The following TCIRG1 variants were observed in gnomAD, a reference collection of about 807,000 sequenced individuals.
TCIRG1 encodes the protein V-type proton ATPase 116 kDa subunit a 3.
In TCIRG1, 86 loss-of-function variants were observed where a neutral mutation model predicts 95.5. That is an observed-to-expected ratio of 0.90 (90% confidence interval 0.76 to 1.08). The LOEUF is 1.08. Among genes scored for constraint, TCIRG1 ranks in the 50% least tolerant of loss-of-function variants. TCIRG1 has a pLI of 0.00. For missense variants in TCIRG1, 1,069 were observed against 1,140.2 expected, an observed-to-expected ratio of 0.94 and a Z score of 0.90; for synonymous variants, 499 against 501.3, an observed-to-expected ratio of 1.00 and a Z score of 0.06.
At position 68,048,756 on chromosome 11, in the gene TCIRG1, T is replaced by C. The variant is rs1394207016; in HGVS notation, c.1555-123T>C. 6.1e-5 allele frequency: 50 copies of C among 823,094 alleles called. No individual in the cohort carries two copies. The East Asian group carries it at 1.2e-3, about 20-fold the overall frequency. The allele number at this position is 823,094 out of a possible 1,614,324, so 51.0% of individuals were successfully genotyped here. A position where few individuals can be genotyped will look rare whatever the true frequency, so the allele number is the denominator to read the frequency against. On this transcript the variant is annotated intron_variant, in intron 13 of 19. Transcript: ENST00000265686. Reference sequence around the variant, plus strand: ...CTGTTGCCCCTCGGTGGGTGGGTGATGGATGAGGCTGCAGGCTCCGAGGGG... The same window carrying C: ...CTGTTGCCCCTCGGTGGGTGGGTGACGGATGAGGCTGCAGGCTCCGAGGGG...
chr11:68,042,740 G>C lies in TCIRG1; in HGVS notation c.294G>C (p.Gln98His). 6.5e-7 allele frequency: 1 copy of C among 1,547,238 alleles called. No homozygotes were observed. Among genetic ancestry groups the C allele is most frequent in the Non-Finnish European group, 8.7e-7 (1 of 1,146,332 alleles). The change falls in exon 4 of 20, where the codon CAG (glutamine) becomes CAC (histidine). Residue 98 changes from glutamine (Q) to histidine (H), a missense_variant. Transcript: ENST00000265686. ...CACCCCGGGACCTGCTGCGCATCCA[G>C]GAGGAGACGGAGCGCCTGGCCCAGG... ...APPPRDLLRI[Q>H]EETERLAQEL...
chr11:68,049,294 G>C lies in TCIRG1; in HGVS notation c.1887G>C (p.Gln629His). Residue 629 changes from glutamine (Q) to histidine (H), a missense_variant and splice_region_variant, in exon 15 of 20, where the codon CAG becomes CAC. Coordinates refer to ENST00000265686, the MANE Select transcript of TCIRG1 (RefSeq NM_006019.4). The part of the protein sequence containing the change: ...SPSNRLLYPR[Q>H]EVVQATLVVL... Reference sequence around the variant, plus strand: ...GCAACAGGCTGCTCTACCCCCGGCAGGTGGGCTGCGGCTGGTGGGGGCCGG... The same window carrying C: ...GCAACAGGCTGCTCTACCCCCGGCACGTGGGCTGCGGCTGGTGGGGGCCGG... 6.2e-7 allele frequency: 1 copy of C among 1,605,878 alleles called. No individual in the cohort carries two copies. Among genetic ancestry groups the C allele is most frequent in the South Asian group, 1.1e-5 (1 of 90,862 alleles).
At chr11:68,052,006 C>T (rs907847977), downstream of TCIRG1, 2 of 152,614 alleles carry the variant, frequency 1.3e-5, no homozygotes, top group Admixed American at 6.5e-5. Context: ...TAGAGAAGTC[C>T]AGTTTGCCAA....
At position 68,050,551 on chromosome 11, in the gene TCIRG1, C is replaced by T. The variant is rs768701072; in HGVS notation, c.2301C>T (p.Gly767=). ...GCCTGGGCCTGGGCCGGGAGGTGGG[C>T]GTGGCGGCTGTGGTGCTGGTCCCCA... ...RIGLGLGREV[G]VAAVVLVPIF... is the part of the protein sequence containing the mutation. The change falls in exon 19 of 20, where the codon GGC becomes GGT. Residue 767 remains glycine, a synonymous_variant. Coordinates refer to ENST00000265686, the MANE Select transcript of TCIRG1 (RefSeq NM_006019.4). 7 of 1,613,662 alleles carry T rather than the reference C, an allele frequency of 4.3e-6. No individual in the cohort carries two copies. Among genetic ancestry groups the T allele is most frequent in the Non-Finnish European group, 5.9e-6 (7 of 1,180,020 alleles).
In TCIRG1 at chr11:68,047,096, C is replaced by T. The variant is rs545739668; in HGVS notation, c.1166-337C>T. 3.1e-5 allele frequency: 12 copies of T among 388,908 alleles called. 1 individual carries two copies. The highest frequency in any genetic ancestry group is 1.6e-4 in the South Asian group (8 of 49,504). The allele number at this position is 388,908 out of a possible 1,614,324, so 24.1% of individuals were successfully genotyped here. On this transcript the variant is annotated intron_variant, in intron 10 of 19. Coordinates refer to ENST00000265686, the MANE Select transcript of TCIRG1 (RefSeq NM_006019.4). ...CGCGAGCTCGGCTCACTGCAACCTC[C>T]GCCTCCCGGGTTCAAATGATTCTCC...
At chr11:68,048,747 G>A in intron 13 of TCIRG1, 132 bp from the exon 14 acceptor site, 2 of 796,788 alleles carry the variant, frequency 2.5e-6, no homozygotes, top group Non-Finnish European at 4.4e-6. Context: ...CCCCTCGGTG[G>A]GTGGGTGATG....
Position 68,049,219 on chromosome 11 carries a change from C to T in TCIRG1, c.1812C>T (p.Pro604=). ...GGGCTGCCAGGGCCGCCTCGGCCCCCAGCATCCTCATCCACTTCATCAACA... is the reference window on the plus strand; with the variant it reads ...GGGCTGCCAGGGCCGCCTCGGCCCCTAGCATCCTCATCCACTTCATCAACA... ...CVWAARAASA[P]SILIHFINMF... The change falls in exon 15 of 20, where the codon CCC becomes CCT. Residue 604 remains proline, a synonymous_variant. Coordinates refer to ENST00000265686, the MANE Select transcript of TCIRG1 (RefSeq NM_006019.4). 1.2e-6 allele frequency: 2 copies of T among 1,613,894 alleles called. No homozygotes were observed. The highest frequency in any genetic ancestry group is 1.3e-5 in the African/African-American group (1 of 75,072).
At chr11:68,051,718 C>T (rs566383009), downstream of TCIRG1, among the ~76,000 whole-genome samples, 15 of 152,306 alleles carry the variant, frequency 9.8e-5, no homozygotes, top group South Asian at 8.3e-4. Flanking sequence ...CTTAGAGAAA[C>T]GGTGCTCACA....
At chr11:68,043,767 C>A in intron 7 of TCIRG1, 47 bp from the exon 8 acceptor site, 1 of 1,544,792 alleles carries the variant, frequency 6.5e-7, no homozygotes, top group Non-Finnish European at 8.8e-7. Context: ...CTCAGAGTCT[C>A]GTAGCTGTGT....
At chr11:68,050,445 C>T (rs1372129517) in intron 18 of TCIRG1, 42 bp from the exon 19 acceptor site, 5 of 1,611,220 alleles carry the variant, frequency 3.1e-6, no homozygotes, top group African/African-American at 2.7e-5. Flanking sequence ...GGCTGGCAGG[C>T]ACCCACTTGC....
At chr11:68,053,160 C>G (rs879652596), downstream of TCIRG1, 10 of 157,218 alleles carry the variant, frequency 6.4e-5, no homozygotes, top group African/African-American at 1.4e-4. Context: ...ATCCGACACT[C>G]CAGGCAGAGC....
In TCIRG1 at chr11:68,050,272, C is replaced by T. The variant is rs372043757; in HGVS notation, c.2236+18C>T. 99 of 1,609,060 alleles carry T rather than the reference C, an allele frequency of 6.2e-5. 1 individual carries two copies. The African/African-American group carries it at 1.0e-3, about 17-fold the overall frequency. On this transcript the variant is annotated intron_variant, in intron 18 of 19. Coordinates refer to ENST00000265686, the MANE Select transcript of TCIRG1 (RefSeq NM_006019.4). Reference sequence around the variant, plus strand: ...CCACGCCCGTGAGTGACCTGGCCACCGACGGCTGGCCCCAGCTCCTGGCTT... The same window carrying T: ...CCACGCCCGTGAGTGACCTGGCCACTGACGGCTGGCCCCAGCTCCTGGCTT...
intron 9 of TCIRG1, 110 bp from the exon 10 acceptor site, chr11:68,044,848 C>G (rs1855392171): frequency 7.2e-7 from 1 of 1,383,932 alleles, no homozygotes; most frequent in African/African-American, 1.4e-5. Flanking sequence ...GAAGGGGCTG[C>G]CCAGTGAGCC....
Position 68,043,881 on chromosome 11 carries a change from C to A in TCIRG1, c.781C>A (p.Gln261Lys). Reference protein sequence around the residue: ...EARLGALQQLQQQSQELQEVL... With the variant: ...EARLGALQQLKQQSQELQEVL... ...CCGCCTCGGGGCCCTGCAGCAGCTG[C>A]AACAGCAGAGCCAGGAGCTGCAGGA... Residue 261 changes from glutamine to lysine, a missense_variant, in exon 8 of 20, where the codon CAA becomes AAA. Transcript: ENST00000265686. 6.4e-7 allele frequency: 1 copy of A among 1,561,920 alleles called. No individual in the cohort carries two copies.
Position 68,042,970 on chromosome 11 carries a change from GC to G in TCIRG1, c.444del (p.Ser149GlnfsTer17). 1 of 1,555,278 alleles carries G rather than the reference GC, an allele frequency of 6.4e-7. No homozygotes were observed. Among genetic ancestry groups the G allele is most frequent in the Non-Finnish European group, 8.7e-7 (1 of 1,149,524 alleles). Reference sequence around the variant, plus strand: ...GCTGGCAGCCGCCCACACAGATGGGGCCTCAGAGAGGACGCCCCTGCTCCAG... The same window carrying G: ...GCTGGCAGCCGCCCACACAGATGGGGCTCAGAGAGGACGCCCCTGCTCCAG... ...PQLAAAHTDG[A>X]SERTPLLQAP... On this transcript the variant is annotated frameshift_variant, in exon 5 of 20. Coordinates refer to ENST00000265686, the MANE Select transcript of TCIRG1 (RefSeq NM_006019.4). LOFTEE classifies it high-confidence loss of function.
intron 2 of TCIRG1, 104 bp from the exon 3 acceptor site, chr11:68,041,649 G>A: frequency 1.0e-6 from 1 of 970,730 alleles, no homozygotes; most frequent in Non-Finnish European, 1.6e-6. Context: ...ACACCTTTCT[G>A]GAGGAGGCAG....
In TCIRG1 at chr11:68,050,210, C is replaced by G. The variant is rs765318969; in HGVS notation, c.2192C>G (p.Thr731Ser). Residue 731 changes from threonine to serine, a missense_variant, in exon 18 of 20, where the codon ACC becomes AGC. Physicochemically the swap from Thr to Ser is moderately conservative, Grantham distance 58. Transcript: ENST00000265686. ...IEFCLGCVSN[T>S]ASYLRLWALS... is the part of the protein sequence containing the mutation. The stretch of plus-strand genomic sequence containing the variant: ...TTCTGCCTGGGCTGCGTCTCCAACA[C>G]CGCCTCCTACCTGCGCCTGTGGGCC... 12 of 1,613,606 alleles carry G rather than the reference C, an allele frequency of 7.4e-6. No individual in the cohort carries two copies. The East Asian group carries it at 2.2e-4, about 30-fold the overall frequency.
chr11:68,044,810 G>A (rs1274981647), intron 9 of TCIRG1, 148 bp from the exon 10 acceptor site: 3 of 1,007,098 alleles, frequency 3.0e-6, no homozygotes, highest in Non-Finnish European at 4.5e-6. Flanking sequence ...GGCAGAGCAG[G>A]GCTGATCATC....
At chr11:68,040,214 T>C (rs1208311454) in intron 1 of TCIRG1, among the ~76,000 whole-genome samples, 1 of 152,172 alleles carries the variant, frequency 6.6e-6, no homozygotes, top group Non-Finnish European at 1.5e-5. Flanking sequence ...AAAGAGGAAG[T>C]AGAGGCACAG....
Sources: gnomAD v4.1 joint callset for allele counts (sites outside exome capture counted in the v4.1 genomes callset) on GRCh38, gnomAD v4.1.1 for gene constraint, MANE v1.5 for transcripts, NCBI Gene and HGNC (gene_info 2026-07-23, HGNC 2026-07-21) for gene names.